The following NRP1 variants were observed in gnomAD, a reference collection of about 807,000 sequenced individuals.
NRP1 encodes neuropilin 1, also known as neuropilin-1.
Under a neutral mutation model 106.7 loss-of-function variants are expected in NRP1, and 35 were observed. The observed-to-expected ratio is 0.33, with a 90% confidence interval of 0.25 to 0.43. The LOEUF is 0.43. NRP1 is among the 20% of genes least tolerant of loss of function. NRP1 has a pLI of 1.00. For missense variants in NRP1, 1,024 were observed against 1,170.4 expected (o/e 0.87, Z 1.83); for synonymous variants, 437 against 417.9 (o/e 1.05, Z -0.56).
intron 4 of NRP1, among the ~76,000 whole-genome samples, chr10:33,257,961 T>G (rs560366976): frequency 6.6e-6 from 1 of 152,334 alleles, no homozygotes; most frequent in Admixed American, 6.5e-5. Context: ...ATGATTGCTT[T>G]GTTTAAAGAA....
chr10:33,278,993 A>G (rs1185686117), intron 2 of NRP1, among the ~76,000 whole-genome samples: 3 of 152,240 alleles, frequency 2.0e-5, no homozygotes, highest in African/African-American at 7.2e-5. Context: ...AATTTGTAAG[A>G]AACATTAAAA....
At chr10:33,298,758 T>C (rs756560121) in intron 2 of NRP1, among the ~76,000 whole-genome samples, 2 of 152,182 alleles carry the variant, frequency 1.3e-5, no homozygotes, top group African/African-American at 2.4e-5. Flanking sequence ...AAAGATAGTA[T>C]CTTGCAGTGT....
chr10:33,180,541 G>A (rs1350351624), intron 16 of NRP1, among the ~76,000 whole-genome samples, 176 bp from the exon 17 acceptor site: 2 of 152,102 alleles, frequency 1.3e-5, no homozygotes, highest in Admixed American at 6.6e-5. Flanking sequence ...GTGGGCGCTG[G>A]GGCTTCTGAC....
intron 2 of NRP1, among the ~76,000 whole-genome samples, chr10:33,272,709 G>T (rs1271556177): frequency 1.3e-5 from 2 of 152,114 alleles, no homozygotes; most frequent in East Asian, 3.9e-4. Flanking sequence ...AGGCAGGTTT[G>T]CATGTTTCGC....
intron 8 of NRP1, among the ~76,000 whole-genome samples, chr10:33,218,118 G>A (rs759628039): frequency 6.6e-6 from 1 of 152,122 alleles, no homozygotes; most frequent in Non-Finnish European, 1.5e-5. Flanking sequence ...CAGACTTCTG[G>A]TTAATAACAG....
chr10:33,201,451 G>A (rs1837298382), intron 11 of NRP1: 1 of 152,202 alleles, frequency 6.6e-6, no homozygotes, highest in Admixed American at 6.5e-5. Flanking sequence ...CACTATGGAT[G>A]TGTGACGGGG....
chr10:33,312,086 A>C (rs1248929750), intron 2 of NRP1, among the ~76,000 whole-genome samples: 1 of 152,204 alleles, frequency 6.6e-6, no homozygotes, highest in Admixed American at 6.5e-5. Flanking sequence ...AATGGAGGAG[A>C]AAAGTGCAAT....
At chr10:33,196,189 C>A (rs1413667779) in intron 12 of NRP1, among the ~76,000 whole-genome samples, 3 of 152,042 alleles carry the variant, frequency 2.0e-5, no homozygotes, top group Non-Finnish European at 2.9e-5. Context: ...ACGATCCCTA[C>A]CCCCTTTCAT....
At chr10:33,193,307 A>C (rs1310808220) in intron 12 of NRP1, among the ~76,000 whole-genome samples, 1 of 152,216 alleles carries the variant, frequency 6.6e-6, no homozygotes, top group Non-Finnish European at 1.5e-5. Flanking sequence ...AAGGAGCTTA[A>C]CTTTTAAGTA....
rs76475850 is a variant in NRP1, at chr10:33,244,059, A to T, written c.981+9969T>A. 5.3e-3 allele frequency among the ~76,000 whole-genome samples: 803 copies of T among 151,992 alleles called. 8 individuals carry two copies. The highest frequency in any genetic ancestry group is 0.018 in the African/African-American group (748 of 41,432). On this transcript the variant is annotated intron_variant, in intron 6 of 16. Coordinates refer to ENST00000374867, the MANE Select transcript of NRP1 (RefSeq NM_003873.7). The stretch of plus-strand genomic sequence containing the variant: ...TTGCCATTTTGATGTGGTGCTTTCA[A>T]ATGGTGCATAAAATGAGAACTATAC...
At chr10:33,332,182 A>G (rs773145617) in intron 1 of NRP1, among the ~76,000 whole-genome samples, 1 of 152,340 alleles carries the variant, frequency 6.6e-6, no homozygotes, top group African/African-American at 2.4e-5. Flanking sequence ...GTTTTTCTCA[A>G]TCGCTAGGTG....
intron 6 of NRP1, among the ~76,000 whole-genome samples, chr10:33,249,084 G>GTTTTTTTTTTTTTTTTTTTTTT (rs750905931): frequency 2.8e-5 from 2 of 72,198 alleles, no homozygotes; most frequent in African/African-American, 5.8e-5. Context: ...TATGTCTCTT[G>GTTTTTTTTTTTTTTTTTTTTTT]TTTTTTTTTT....
At chr10:33,258,186 C>G (rs532106912) in intron 4 of NRP1, among the ~76,000 whole-genome samples, 3 of 152,142 alleles carry the variant, frequency 2.0e-5, no homozygotes, top group Admixed American at 6.5e-5. Context: ...GCCACTGTTT[C>G]GTGGATTGCA....
chr10:33,201,818 T>C (rs565599367), intron 11 of NRP1: 1 of 152,332 alleles, frequency 6.6e-6, no homozygotes, highest in East Asian at 1.9e-4. Context: ...AATTTTTTTT[T>C]CTTTCTTTTA....
chr10:33,268,907 C>G (rs940892068), intron 3 of NRP1, among the ~76,000 whole-genome samples: 2 of 152,180 alleles, frequency 1.3e-5, no homozygotes, highest in African/African-American at 4.8e-5. Flanking sequence ...TGAAAGTTCT[C>G]TCCATCTATT....
At chr10:33,323,978 T>A (rs1847713123) in intron 2 of NRP1, among the ~76,000 whole-genome samples, 1 of 152,206 alleles carries the variant, frequency 6.6e-6, no homozygotes, top group Non-Finnish European at 1.5e-5. Context: ...GGAAATGCCA[T>A]GCACATGTTG....
At chr10:33,208,783 A>G (rs907737547) in intron 9 of NRP1, among the ~76,000 whole-genome samples, 2 of 152,124 alleles carry the variant, frequency 1.3e-5, no homozygotes, top group South Asian at 2.1e-4. Context: ...AAAAACCATA[A>G]AAGTTCCTCA....
Position 33,182,729 on chromosome 10 carries a change from T to G in NRP1, c.2451A>C (p.Lys817Asn). Residue 817 changes from lysine to asparagine, a missense_variant, in exon 16 of 17, where the codon AAA becomes AAC. Lys to Asn is a moderately conservative substitution (Grantham distance 94). Coordinates refer to ENST00000374867, the MANE Select transcript of NRP1 (RefSeq NM_003873.7). ...CATCAATTTTAATTTCTGGGTTCTT[T>G]TTATCCAGGTCTGCTGGTTCTGACA... ...EDCAKPADLDKKNPEIKIDET... is the reference protein window; with the variant it reads ...EDCAKPADLDNKNPEIKIDET... 1 of 1,613,102 alleles carries G rather than the reference T, an allele frequency of 6.2e-7. No individual in the cohort carries two copies. Among genetic ancestry groups the G allele is most frequent in the Non-Finnish European group, 8.5e-7 (1 of 1,179,754 alleles).
At chr10:33,294,873 A>C (rs1314717683) in intron 2 of NRP1, among the ~76,000 whole-genome samples, 3 of 152,086 alleles carry the variant, frequency 2.0e-5, no homozygotes, top group Non-Finnish European at 2.9e-5. Flanking sequence ...CAAACACATC[A>C]TGATTCAAAA....
Sources: allele counts gnomAD v4.1 joint callset (sites outside exome capture counted in the v4.1 genomes callset), GRCh38; gene constraint gnomAD v4.1.1; transcripts MANE v1.5; gene names NCBI Gene and HGNC (gene_info 2026-07-23, HGNC 2026-07-21).